ELMO1: variants seen among roughly 807,000 people sequenced by gnomAD.
ELMO1 encodes the protein engulfment and cell motility 1, also known as engulfment and cell motility protein 1.
In ELMO1, 26 loss-of-function variants were observed where a neutral mutation model predicts 98.9. The ratio of observed to expected loss-of-function variants is 0.26; its 90% CI spans 0.19 to 0.36. The LOEUF (loss-of-function observed/expected upper bound fraction) is 0.36, where lower values mean the gene tolerates loss of function less well. Ranked by LOEUF, ELMO1 falls within the 10% of genes least tolerant of loss-of-function variation. ELMO1 has a pLI of 1.00. For missense variants in ELMO1, 627 were observed against 935.2 expected (o/e 0.67, Z 4.30); for synonymous variants, 346 against 346.0 (o/e 1.00, Z 0.00).
At chr7:36,876,453 CT>C (rs921816415) in intron 19 of ELMO1, among the ~76,000 whole-genome samples, 4 of 149,278 alleles carry the variant, frequency 2.7e-5, no homozygotes, top group African/African-American at 9.9e-5. Context: ...TTTACTTAAA[CT>C]TTTTGTTTTT....
At chr7:37,384,719 CA>C (rs765407181) in intron 1 of ELMO1, among the ~76,000 whole-genome samples, 297 of 115,906 alleles carry the variant, frequency 2.6e-3, no homozygotes, top group Middle Eastern at 5.0e-3. Flanking sequence ...GACTCCGTCT[CA>C]AAAAAAAAAA....
rs138375777 is a variant in ELMO1 at position 37,072,281 on chromosome 7, G to A, written c.1300+24338C>T. On this transcript the variant is annotated intron_variant, in intron 15 of 21. Coordinates refer to ENST00000310758, the MANE Select transcript of ELMO1 (RefSeq NM_014800.11). ...GCGTGTTGTAGGAGGAGCCTGGTGG[G>A]AAGTAATTGAATCATGGGGGTGGGT... is the stretch of plus-strand genomic sequence containing the variant. Among the ~76,000 whole-genome samples the A allele has an allele frequency of 2.3e-4, 35 of 152,270 alleles. No homozygotes were observed. In the East Asian group the frequency reaches 6.6e-3, roughly 29 times the overall value.
In ELMO1 at chr7:37,382,515, G is replaced by T. The variant is rs531189766; in HGVS notation, c.-73-39752C>A. ...CATGCTCTTGGCCCTCTCACTATCTGCCTGAAAGCAGAAGATAAATTCTTG... is the reference window on the plus strand; with the variant it reads ...CATGCTCTTGGCCCTCTCACTATCTTCCTGAAAGCAGAAGATAAATTCTTG... On this transcript the variant is annotated intron_variant, in intron 1 of 21. Coordinates refer to ENST00000310758, the MANE Select transcript of ELMO1 (RefSeq NM_014800.11). 3.9e-5 allele frequency among the ~76,000 whole-genome samples: 6 copies of T among 152,156 alleles called. No individual in the cohort carries two copies. The South Asian group carries it at 1.2e-3, about 32-fold the overall frequency.
chr7:37,403,763 C>T (rs892784449), intron 1 of ELMO1, among the ~76,000 whole-genome samples: 1 of 152,080 alleles, frequency 6.6e-6, no homozygotes, highest in Non-Finnish European at 1.5e-5. Flanking sequence ...CCAGGCTGGT[C>T]TCGAACTCCG....
At chr7:37,312,850 G>A (rs1330420325) in intron 4 of ELMO1, among the ~76,000 whole-genome samples, 1 of 152,102 alleles carries the variant, frequency 6.6e-6, no homozygotes. Flanking sequence ...TATACATGTG[G>A]GTAGGTGGAA....
At chr7:37,248,722 A>C (rs1795153760) in intron 6 of ELMO1, among the ~76,000 whole-genome samples, 1 of 152,256 alleles carries the variant, frequency 6.6e-6, no homozygotes, top group Admixed American at 6.5e-5. Flanking sequence ...GGTAAAGTGC[A>C]AAACGTGCAT....
intron 16 of ELMO1, among the ~76,000 whole-genome samples, chr7:36,978,977 A>G (rs1562873437): frequency 1.3e-5 from 2 of 152,222 alleles, no homozygotes; most frequent in Non-Finnish European, 2.9e-5. Flanking sequence ...AATAAGATCT[A>G]TATTTTTATC....
intron 13 of ELMO1, among the ~76,000 whole-genome samples, chr7:37,159,534 C>G (rs1789049160): frequency 6.6e-6 from 1 of 152,044 alleles, no homozygotes; most frequent in African/African-American, 2.4e-5. Flanking sequence ...AACTCCGTCT[C>G]TACTAAAATA....
At chr7:37,291,965 C>G (rs1215611276) in intron 4 of ELMO1, among the ~76,000 whole-genome samples, 39,890 of 87,924 alleles carry the variant, frequency 0.45, 9,282 homozygotes, top group East Asian at 0.65. Flanking sequence ...GTCTCCCTCT[C>G]CCTCTCTTTC....
chr7:37,094,019 T>C (rs953977896), intron 15 of ELMO1, among the ~76,000 whole-genome samples: 1 of 152,178 alleles, frequency 6.6e-6, no homozygotes, highest in Non-Finnish European at 1.5e-5. Context: ...CTGAAGTGTA[T>C]AGGAAATTTT....
chr7:36,916,254 A>G (rs1329503850), intron 16 of ELMO1, among the ~76,000 whole-genome samples: 2 of 152,164 alleles, frequency 1.3e-5, no homozygotes, highest in East Asian at 1.9e-4. Flanking sequence ...CAGTCATAGC[A>G]TCTTTGCACG....
intron 16 of ELMO1, among the ~76,000 whole-genome samples, chr7:36,958,706 C>A (rs1788674568): frequency 6.6e-6 from 1 of 152,086 alleles, no homozygotes; most frequent in Non-Finnish European, 1.5e-5. Flanking sequence ...CTACAAAACG[C>A]CACACTTGTT....
At chr7:37,059,470 A>G (rs1369245121) in intron 15 of ELMO1, among the ~76,000 whole-genome samples, 1 of 152,058 alleles carries the variant, frequency 6.6e-6, no homozygotes, top group Non-Finnish European at 1.5e-5. Flanking sequence ...CTATTGTTAT[A>G]TTTTTCCTCT....
intron 13 of ELMO1, among the ~76,000 whole-genome samples, chr7:37,144,722 G>GT (rs1787872548): frequency 6.6e-6 from 1 of 152,062 alleles, no homozygotes; most frequent in South Asian, 2.1e-4. Flanking sequence ...AAACACCAGA[G>GT]TTTTTTCACT....
intron 13 of ELMO1, among the ~76,000 whole-genome samples, chr7:37,206,548 A>C (rs1792634201): frequency 6.6e-6 from 1 of 152,226 alleles, no homozygotes; most frequent in Non-Finnish European, 1.5e-5. Flanking sequence ...TTTGCTGAAA[A>C]AATATTATTA....
At chr7:36,957,693 A>T (rs1246672744) in intron 16 of ELMO1, among the ~76,000 whole-genome samples, 1 of 152,178 alleles carries the variant, frequency 6.6e-6, no homozygotes, top group Non-Finnish European at 1.5e-5. Context: ...GTGTCTTTCC[A>T]ATTCACTCTC....
chr7:37,203,257 G>A (rs1792402137), intron 13 of ELMO1, among the ~76,000 whole-genome samples: 1 of 152,160 alleles, frequency 6.6e-6, no homozygotes, highest in Admixed American at 6.5e-5. Context: ...TCGAAAACCT[G>A]TTAGAGTCTT....
At chr7:37,025,687 A>C (rs1290543527) in intron 15 of ELMO1, among the ~76,000 whole-genome samples, 1 of 151,884 alleles carries the variant, frequency 6.6e-6, no homozygotes, top group African/African-American at 2.4e-5. Context: ...AAGTCCTTGG[A>C]CTTGGACTGA....
At chr7:37,334,419 C>T (rs1032964817) in intron 2 of ELMO1, among the ~76,000 whole-genome samples, 7 of 152,078 alleles carry the variant, frequency 4.6e-5, no homozygotes, top group East Asian at 3.9e-4. Flanking sequence ...GCACTCCAGC[C>T]GGGGCAACAA....
Sources: allele counts gnomAD v4.1 joint callset (sites outside exome capture counted in the v4.1 genomes callset), GRCh38; gene constraint gnomAD v4.1.1; transcripts MANE v1.5; gene names NCBI Gene and HGNC (gene_info 2026-07-23, HGNC 2026-07-21).